The following CHD2 variants were observed in gnomAD, a reference collection of about 807,000 sequenced individuals.
CHD2 encodes chromodomain helicase DNA binding protein 2.
In CHD2, 28 loss-of-function variants were observed where a neutral mutation model predicts 243.9. The observed-to-expected ratio is 0.11, with a 90% CI of 0.09 to 0.16. The LOEUF (loss-of-function observed/expected upper bound fraction) is 0.16, where lower values mean the gene tolerates loss of function less well. Ranked by LOEUF, CHD2 falls within the 10% of genes least tolerant of loss-of-function variation. CHD2 has a pLI of 1.00. For synonymous variants in CHD2, 775 were observed against 779.0 expected (o/e 0.99, Z 0.09); for missense variants, 1,386 against 2,209.8 (o/e 0.63, Z 7.47).
chr15:92,962,537 T>G (rs1183291970), intron 16 of CHD2, among the ~76,000 whole-genome samples: 8 of 152,196 alleles, frequency 5.3e-5, no homozygotes, highest in Non-Finnish European at 1.5e-5. Context: ...AATGAATTTA[T>G]TATGACTTAT....
chr15:92,905,381 T>C (rs1019281110), intron 2 of CHD2, among the ~76,000 whole-genome samples: 1 of 152,216 alleles, frequency 6.6e-6, no homozygotes, highest in African/African-American at 2.4e-5. Context: ...TCTTAATAAT[T>C]AAATTACACA....
intron 2 of CHD2, chr15:92,904,250 A>T (rs760005038): frequency 1.3e-5 from 2 of 155,762 alleles, no homozygotes. Flanking sequence ...TGCACTGTGT[A>T]CTCGCCAAAC....
At chr15:92,961,424 A>T (rs563808567) in intron 16 of CHD2, among the ~76,000 whole-genome samples, 1 of 152,152 alleles carries the variant, frequency 6.6e-6, no homozygotes, top group Non-Finnish European at 1.5e-5. Flanking sequence ...TTTAAGAGAC[A>T]TGGTCTTTCT....
rs887537593 is a variant in CHD2 at position 93,008,182 on chromosome 15, T to A, written c.4414-963T>A. ...TCCAGAGCGTGAAGGCCTGGCTCCA[T>A]CCACTCTGGAATGTGAGAGGCAGAG... is the stretch of plus-strand genomic sequence containing the variant. On this transcript the variant is annotated intron_variant, in intron 34 of 38. Coordinates refer to ENST00000394196, the MANE Select transcript of CHD2 (RefSeq NM_001271.4). Among the ~76,000 whole-genome samples the A allele has an allele frequency of 3.3e-5, 5 of 152,310 alleles. No homozygotes were observed. The East Asian group carries it at 7.7e-4, about 23-fold the overall frequency.
intron 28 of CHD2, 155 bp downstream of exon 28, chr15:92,993,153 C>A: frequency 1.5e-6 from 1 of 686,036 alleles, no homozygotes; most frequent in Non-Finnish European, 2.4e-6. Flanking sequence ...GCTTAATATT[C>A]TACTCTCCTA....
chr15:92,909,298 A>G (rs929882008), intron 2 of CHD2, among the ~76,000 whole-genome samples: 1 of 152,274 alleles, frequency 6.6e-6, no homozygotes, highest in African/African-American at 2.4e-5. Flanking sequence ...ATGCAGTTAC[A>G]TTCCATTCTA....
rs1464061642 is a variant in CHD2 at position 92,940,967 on chromosome 15, A to ATT, written c.693-854_693-853insTT. Among the ~76,000 whole-genome samples, 303 of 31,570 alleles carry ATT rather than the reference A, an allele frequency of 9.6e-3. 4 individuals are homozygous for ATT. Among genetic ancestry groups the ATT allele is most frequent in the African/African-American group, 0.022 (288 of 13,212 alleles). The allele number at this position is 31,570 out of a possible 152,430, so 20.7% of individuals were successfully genotyped here. A position where few individuals can be genotyped will look rare whatever the true frequency, so the allele number is the denominator to read the frequency against. The stretch of plus-strand genomic sequence containing the variant: ...TATATAAATATAAATATATATAAAT[A>ATT]TAAATATAAATATAAATATATATAT... On this transcript the variant is annotated intron_variant, in intron 7 of 38. Transcript: ENST00000394196.
rs1025509949 is a variant in CHD2, at chr15:92,985,563, T to C, written c.3303T>C (p.Ser1101=). ...GGCAGGCCCAGAGATCCTCTGCTTC[T>C]GAGAGTGAAACGGAAGACTCTGATG... is the stretch of plus-strand genomic sequence containing the variant. ...SKRQAQRSSA[S]ESETEDSDDD... is the part of the protein sequence containing the mutation. The change falls in exon 26 of 39, where the codon TCT becomes TCC. Residue 1101 remains serine (S), a synonymous_variant. Coordinates refer to ENST00000394196, the MANE Select transcript of CHD2 (RefSeq NM_001271.4). 9 of 1,613,998 alleles carry C rather than the reference T, an allele frequency of 5.6e-6. No individual in the cohort carries two copies. The highest frequency in any genetic ancestry group is 7.6e-6 in the Non-Finnish European group (9 of 1,180,004).
At chr15:92,908,946 C>T (rs992179389) in intron 2 of CHD2, among the ~76,000 whole-genome samples, 3 of 152,014 alleles carry the variant, frequency 2.0e-5, no homozygotes, top group Non-Finnish European at 2.9e-5. Context: ...TGGTGAAACC[C>T]TGTCTCTACT....
chr15:92,951,276 T>C (rs545412754), intron 13 of CHD2, among the ~76,000 whole-genome samples: 52 of 152,300 alleles, frequency 3.4e-4, no homozygotes, highest in Non-Finnish European at 6.6e-4. Flanking sequence ...GTTCACGTGA[T>C]TCTCCTGCCT....
intron 2 of CHD2, among the ~76,000 whole-genome samples, chr15:92,909,670 C>T (rs1476667798): frequency 6.6e-6 from 1 of 152,134 alleles, no homozygotes; most frequent in Non-Finnish European, 1.5e-5. Flanking sequence ...TCCCAAGGAG[C>T]TGGGACCACA....
Position 92,901,264 on chromosome 15 carries a change from A to G in CHD2, c.27A>G (p.Gln9=). The change falls in exon 2 of 39, where the codon CAA becomes CAG. Residue 9 remains glutamine (Q), a synonymous_variant. Transcript: ENST00000394196. ...TGATGAGAAATAAGGACAAAAGCCAAGAGGAGGACAGTTCGCTACACAGCA... is the reference window on the plus strand; with the variant it reads ...TGATGAGAAATAAGGACAAAAGCCAGGAGGAGGACAGTTCGCTACACAGCA... The part of the protein sequence containing the change: MMRNKDKS[Q]EEDSSLHSNA... The G allele has an allele frequency of 6.2e-7, 1 of 1,606,606 alleles. No individual in the cohort carries two copies.
intron 2 of CHD2, among the ~76,000 whole-genome samples, chr15:92,918,443 T>G (rs1429917014): frequency 1.3e-5 from 2 of 152,232 alleles, no homozygotes; most frequent in African/African-American, 4.8e-5. Flanking sequence ...AATTTTCAGA[T>G]AGTTGTTTTT....
At chr15:92,904,925 G>T in intron 2 of CHD2, 3 of 1,535,954 alleles carry the variant, frequency 2.0e-6, no homozygotes, top group Non-Finnish European at 2.6e-6. Flanking sequence ...ATAAACAAAG[G>T]GAAGATTATT....
chr15:92,911,517 C>A (rs1355082177), intron 2 of CHD2, among the ~76,000 whole-genome samples: 1 of 152,106 alleles, frequency 6.6e-6, no homozygotes, highest in African/African-American at 2.4e-5. Flanking sequence ...GCTGGCAGAT[C>A]ACTTGAGGCC....
In CHD2 at chr15:92,913,813, C is replaced by T. The variant is rs111640436; in HGVS notation, c.63-10508C>T. Among the ~76,000 whole-genome samples the T allele has an allele frequency of 3.3e-3, 503 of 152,192 alleles. 3 individuals are homozygous for T. Among genetic ancestry groups the T allele is most frequent in the African/African-American group, 0.011 (476 of 41,528 alleles). ...GCTGCAGTGAGCTGTGATCACATTA[C>T]GTGCACTCCATCCTGGGCAACTGAG... On this transcript the variant is annotated intron_variant, in intron 2 of 38. Coordinates refer to ENST00000394196, the MANE Select transcript of CHD2 (RefSeq NM_001271.4).
intron 38 of CHD2, chr15:93,021,413 AAATTTGGAAATTTTT>A (rs2141896922): frequency 6.6e-6 from 1 of 152,350 alleles, no homozygotes; most frequent in African/African-American, 2.4e-5. Context: ...TGTTTCCATA[AAATTTGGAAATTTTT>A]ACAATCTTCT....
Position 93,012,337 on chromosome 15 carries a change from CT to C in CHD2, c.4593-3del, listed in dbSNP as rs1270315601. The C allele has an allele frequency of 4.4e-6, 7 of 1,584,308 alleles. No homozygotes were observed. The South Asian group carries it at 8.1e-5, about 18-fold the overall frequency. On this transcript the variant is annotated splice_region_variant and splice_polypyrimidine_tract_variant and intron_variant, in intron 35 of 38. Transcript: ENST00000394196. ...TAATTCACCAGAACTGTTCATTTTT[CT>C]TTTTAGGAACCTATGGATTTTTGTT...
At chr15:93,003,605 C>T (rs1426150625) in intron 33 of CHD2, among the ~76,000 whole-genome samples, 3 of 141,010 alleles carry the variant, frequency 2.1e-5, no homozygotes, top group East Asian at 2.0e-4. Context: ...CGGGGCCAGG[C>T]GGGGGGAGAC....
Sources: allele counts gnomAD v4.1 joint callset (sites outside exome capture counted in the v4.1 genomes callset), GRCh38; gene constraint gnomAD v4.1.1; transcripts MANE v1.5; gene names NCBI Gene and HGNC (gene_info 2026-07-23, HGNC 2026-07-21).